The following XIRP2 variants were observed in gnomAD, a reference collection of about 807,000 sequenced individuals.
XIRP2 encodes xin actin-binding repeat-containing protein 2.
XIRP2 carries 236 observed loss-of-function variants against 277.0 expected under a neutral mutation model. The ratio of observed to expected loss-of-function variants is 0.85; its 90% CI spans 0.77 to 0.95. The LOEUF is 0.95. Among genes scored for constraint, XIRP2 ranks in the 40% least tolerant of loss-of-function variants. The pLI, the probability that XIRP2 is intolerant of heterozygous loss-of-function variation, is 0.00. For synonymous variants in XIRP2, 1,490 were observed against 1,416.5 expected (o/e 1.05, Z -1.17); for missense variants, 4,640 against 4,157.5 (o/e 1.12, Z -3.19).
At chr2:167,049,662 A>G (rs367999707) in intron 2 of XIRP2, among the ~76,000 whole-genome samples, 1 of 152,176 alleles carries the variant, frequency 6.6e-6, no homozygotes, top group Non-Finnish European at 1.5e-5. Context: ...CACATCCACG[A>G]TGAAGAAAAG....
intron 2 of XIRP2, among the ~76,000 whole-genome samples, chr2:166,922,872 T>A (rs1337459934): frequency 1.3e-5 from 2 of 151,494 alleles, no homozygotes; most frequent in Non-Finnish European, 2.9e-5. Context: ...ATATTGCAGA[T>A]TTTACTTAGT....
At chr2:166,911,019 T>A (rs976337676) in intron 2 of XIRP2, among the ~76,000 whole-genome samples, 14 of 152,168 alleles carry the variant, frequency 9.2e-5, no homozygotes, top group East Asian at 7.7e-4. Flanking sequence ...TGCTGAGGAG[T>A]GCTTTACTTC....
chr2:167,029,009 ACAGT>A (rs1405391165), intron 2 of XIRP2, among the ~76,000 whole-genome samples: 3 of 151,976 alleles, frequency 2.0e-5, no homozygotes, highest in East Asian at 3.9e-4. Flanking sequence ...TTGAAACTAC[ACAGT>A]CAGAGGAGAT....
At chr2:166,894,593 TA>T (rs1389207983) in intron 1 of XIRP2, among the ~76,000 whole-genome samples, 1 of 152,178 alleles carries the variant, frequency 6.6e-6, no homozygotes, top group African/African-American at 2.4e-5. Flanking sequence ...GTATTAATTC[TA>T]GTATGAGAAG....
Position 167,253,306 on chromosome 2 carries a change from A to C in XIRP2, c.10556-726A>C, listed in dbSNP as rs182876215. On this transcript the variant is annotated intron_variant, in intron 9 of 10. Transcript: ENST00000409195. ...ATTTACAGGAAAGCCACAGGAAGTGAGCATAGGTGCTTTAGAGGAGCAAGA... is the reference window on the plus strand; with the variant it reads ...ATTTACAGGAAAGCCACAGGAAGTGCGCATAGGTGCTTTAGAGGAGCAAGA... Among the ~76,000 whole-genome samples the C allele has an allele frequency of 4.6e-5, 7 of 151,998 alleles. No homozygotes were observed. The East Asian group carries it at 1.4e-3, about 30-fold the overall frequency.
chr2:167,132,412 G>T (rs1369437609), intron 2 of XIRP2, among the ~76,000 whole-genome samples: 1 of 151,874 alleles, frequency 6.6e-6, no homozygotes, highest in African/African-American at 2.4e-5. Context: ...GAATTATCTG[G>T]TTCAAAATAT....
chr2:167,015,399 G>A (rs948491666), intron 2 of XIRP2, among the ~76,000 whole-genome samples: 1 of 149,370 alleles, frequency 6.7e-6, no homozygotes, highest in African/African-American at 2.5e-5. Context: ...TCCCAAACAC[G>A]ATGTTGATTA....
At chr2:167,098,617 G>A (rs1310494095) in intron 2 of XIRP2, among the ~76,000 whole-genome samples, 2 of 152,204 alleles carry the variant, frequency 1.3e-5, no homozygotes, top group Non-Finnish European at 2.9e-5. Context: ...TGGAGGAGAA[G>A]AGGCATTCTG....
intron 2 of XIRP2, among the ~76,000 whole-genome samples, chr2:166,940,889 G>A (rs1169035703): frequency 2.6e-5 from 4 of 152,286 alleles, no homozygotes; most frequent in African/African-American, 7.2e-5. Context: ...GCTACTCGGG[G>A]GTCAGGGACC....
intron 2 of XIRP2, among the ~76,000 whole-genome samples, chr2:167,062,880 T>C (rs1181588377): frequency 6.6e-6 from 1 of 151,954 alleles, no homozygotes; most frequent in Non-Finnish European, 1.5e-5. Context: ...TCACTGATCT[T>C]TTCAAAAAAC....
At chr2:166,952,077 T>TA (rs1387859208) in intron 2 of XIRP2, among the ~76,000 whole-genome samples, 1 of 151,990 alleles carries the variant, frequency 6.6e-6, no homozygotes, top group African/African-American at 2.4e-5. Context: ...AATGAGTCAA[T>TA]AAAGGAAGCT....
chr2:167,012,296 T>G (rs568089761), intron 2 of XIRP2, among the ~76,000 whole-genome samples: 8 of 152,080 alleles, frequency 5.3e-5, no homozygotes, highest in Admixed American at 2.0e-4. Flanking sequence ...ACATCTTTAT[T>G]TCTGCCTTCA....
intron 2 of XIRP2, among the ~76,000 whole-genome samples, chr2:166,983,954 A>C (rs1686936152): frequency 6.6e-6 from 1 of 152,164 alleles, no homozygotes; most frequent in Non-Finnish European, 1.5e-5. Flanking sequence ...AGTTCCTTCA[A>C]CCAGTATTTA....
chr2:167,164,901 G>T (rs1280476519), intron 3 of XIRP2, among the ~76,000 whole-genome samples: 1 of 152,144 alleles, frequency 6.6e-6, no homozygotes, highest in Non-Finnish European at 1.5e-5. Context: ...GAGTTAGAGT[G>T]TTGAACATTT....
chr2:167,068,053 T>G (rs1689342354), intron 2 of XIRP2, among the ~76,000 whole-genome samples: 1 of 152,220 alleles, frequency 6.6e-6, no homozygotes, highest in Admixed American at 6.5e-5. Flanking sequence ...TTAGTCTTTT[T>G]TAGTTCTGCT....
At chr2:167,130,521 A>G (rs990677952) in intron 2 of XIRP2, among the ~76,000 whole-genome samples, 2 of 151,996 alleles carry the variant, frequency 1.3e-5, no homozygotes, top group Admixed American at 1.3e-4. Flanking sequence ...CTACAAACTA[A>G]AGCAAACATC....
At chr2:167,184,462 G>A in intron 3 of XIRP2, 1 of 662,202 alleles carries the variant, frequency 1.5e-6, no homozygotes, top group Non-Finnish European at 2.7e-6. Flanking sequence ...AATAGAATTT[G>A]AGATCCCTCG....
At chr2:167,153,029 T>C (rs1692061739) in intron 3 of XIRP2, among the ~76,000 whole-genome samples, 1 of 152,146 alleles carries the variant, frequency 6.6e-6, no homozygotes, top group South Asian at 2.1e-4. Context: ...TCACTCTGTA[T>C]TATGATTTAT....
At chr2:167,053,665 TA>T (rs1222130297) in intron 2 of XIRP2, among the ~76,000 whole-genome samples, 11 of 152,210 alleles carry the variant, frequency 7.2e-5, no homozygotes, top group Non-Finnish European at 1.5e-4. Context: ...TTTCATTATG[TA>T]GTGGTACTTC....
Sources: gnomAD v4.1 joint callset for allele counts (sites outside exome capture counted in the v4.1 genomes callset) on GRCh38, gnomAD v4.1.1 for gene constraint, MANE v1.5 for transcripts, NCBI Gene and HGNC (gene_info 2026-07-23, HGNC 2026-07-21) for gene names.